The following EYA2 variants were observed in gnomAD, a reference collection of about 807,000 sequenced individuals.
EYA2 encodes the protein protein phosphatase EYA2.
Under a neutral mutation model 69.2 loss-of-function variants are expected in EYA2, and 31 were observed. The ratio of observed to expected loss-of-function variants is 0.45; its 90% confidence interval spans 0.34 to 0.60. The LOEUF (loss-of-function observed/expected upper bound fraction) is 0.60. Ranked by LOEUF, EYA2 falls within the 20% of genes least tolerant of loss-of-function variation. The probability of loss-of-function intolerance (pLI) is 0.02; values close to 1 mark genes in which losing one functional copy is unlikely to be tolerated. For missense variants in EYA2, 622 were observed against 701.2 expected, an observed-to-expected ratio of 0.89 and a Z score of 1.28; for synonymous variants, 257 against 279.4, an observed-to-expected ratio of 0.92 and a Z score of 0.80.
intron 7 of EYA2, 66 bp downstream of exon 7, chr20:47,074,401 C>A (rs1338695001): frequency 6.6e-7 from 1 of 1,513,612 alleles, no homozygotes. Context: ...AGGAGGGACC[C>A]GCACATGGGT....
chr20:47,181,969 T>G (rs6122559), intron 14 of EYA2, among the ~76,000 whole-genome samples: 62,677 of 151,904 alleles, frequency 0.41, 13,267 homozygotes, highest in Non-Finnish European at 0.46. Flanking sequence ...ATATTTTTAT[T>G]TTTAATTGTG....
Position 47,172,961 on chromosome 20 carries a change from G to A in EYA2, c.1198+94G>A, listed in dbSNP as rs528516809. 78 of 1,418,166 alleles carry A rather than the reference G, an allele frequency of 5.5e-5. No individual in the cohort carries two copies. The African/African-American group carries it at 1.1e-3, about 19-fold the overall frequency. 87.8% of individuals were successfully genotyped at this position (1,418,166 alleles called of 1,614,324 possible). A position where few individuals can be genotyped will look rare whatever the true frequency, so the allele number is the denominator to read the frequency against. On this transcript the variant is annotated intron_variant, in intron 12 of 15. Coordinates refer to ENST00000327619, the MANE Select transcript of EYA2 (RefSeq NM_005244.5). ...GCTGTGCCAGGCGCCAGGCAGAGAGGTTCACAAGTTCAGTACCAGCCCACT... is the reference window on the plus strand; with the variant it reads ...GCTGTGCCAGGCGCCAGGCAGAGAGATTCACAAGTTCAGTACCAGCCCACT...
Position 46,957,578 on chromosome 20 carries a change from C to CACACACAA in EYA2, c.-10-32423_-10-32422insACACACAA, listed in dbSNP as rs576647103. On this transcript the variant is annotated intron_variant, in intron 1 of 15. Coordinates refer to ENST00000327619, the MANE Select transcript of EYA2 (RefSeq NM_005244.5). ...ACACACACACACACACACACACACA[C>CACACACAA]GAAGACAATGTGAAGACAGGACAGA... Among the ~76,000 whole-genome samples, 341 of 66,648 alleles carry CACACACAA rather than the reference C, an allele frequency of 5.1e-3. 15 individuals carry two copies. Among genetic ancestry groups the CACACACAA allele is most frequent in the African/African-American group, 0.015 (303 of 20,894 alleles). 43.7% of individuals were successfully genotyped at this position (66,648 alleles called of 152,430 possible).
Position 47,074,395 on chromosome 20 carries a change from G to C in EYA2, c.661+60G>C, listed in dbSNP as rs906474355. On this transcript the variant is annotated intron_variant, in intron 7 of 15. Transcript: ENST00000327619. ...GTGGTCTGAGAGCTTCTATGAAGGA[G>C]GGACCCGCACATGGGTCCCAATTGT... 1.6e-5 allele frequency: 25 copies of C among 1,557,924 alleles called. No individual in the cohort carries two copies. The African/African-American group carries it at 3.4e-4, about 21-fold the overall frequency.
intron 5 of EYA2, among the ~76,000 whole-genome samples, chr20:47,070,730 A>G (rs1172309635): frequency 6.6e-6 from 1 of 152,228 alleles, no homozygotes; most frequent in Non-Finnish European, 1.5e-5. Flanking sequence ...GGTGATGAGT[A>G]CCCAATAATG....
At chr20:47,051,900 C>T (rs1234104144) in intron 5 of EYA2, among the ~76,000 whole-genome samples, 2 of 152,236 alleles carry the variant, frequency 1.3e-5, no homozygotes, top group South Asian at 4.1e-4. Flanking sequence ...CGGGGCTCAG[C>T]ATAGTGCCCG....
chr20:47,046,820 A>T (rs572652781), intron 5 of EYA2, among the ~76,000 whole-genome samples: 1 of 152,170 alleles, frequency 6.6e-6, no homozygotes, highest in South Asian at 2.1e-4. Flanking sequence ...TTGTGTATCT[A>T]TCTGGGAAGG....
intron 2 of EYA2, among the ~76,000 whole-genome samples, chr20:46,992,043 G>A (rs1981709396): frequency 6.9e-6 from 1 of 145,844 alleles, no homozygotes; most frequent in African/African-American, 2.5e-5. Flanking sequence ...GCCACCAGTA[G>A]GAGCTGAGAG....
chr20:47,101,926 C>T (rs1203580889), intron 9 of EYA2, among the ~76,000 whole-genome samples: 2 of 152,222 alleles, frequency 1.3e-5, no homozygotes, highest in East Asian at 1.9e-4. Flanking sequence ...TGTACTTCCC[C>T]AGCACTGCAG....
intron 5 of EYA2, among the ~76,000 whole-genome samples, chr20:47,059,056 G>A (rs1292764917): frequency 1.3e-5 from 2 of 152,206 alleles, no homozygotes; most frequent in Non-Finnish European, 2.9e-5. Flanking sequence ...TGCCTGTGGA[G>A]TGATGGGGAA....
chr20:46,911,429 C>T (rs748544514), intron 1 of EYA2, among the ~76,000 whole-genome samples: 9 of 152,178 alleles, frequency 5.9e-5, no homozygotes, highest in Non-Finnish European at 1.3e-4. Flanking sequence ...GCAGGCTCAG[C>T]ATTGGCAGTA....
Position 46,970,232 on chromosome 20 carries a change from T to C in EYA2, c.-10-19769T>C, listed in dbSNP as rs538936410. ...CAGAGCGAATGTGAATTCATCTTTT[T>C]CTCAAATAGCCACCATTTTGAAAAT... is the stretch of plus-strand genomic sequence containing the variant. On this transcript the variant is annotated intron_variant, in intron 1 of 15. Transcript: ENST00000327619. Among the ~76,000 whole-genome samples, 14 of 152,370 alleles carry C rather than the reference T, an allele frequency of 9.2e-5. No homozygotes were observed. The South Asian group carries it at 2.9e-3, about 32-fold the overall frequency.
intron 1 of EYA2, among the ~76,000 whole-genome samples, chr20:46,978,959 G>A (rs571955417): frequency 1.3e-5 from 2 of 152,358 alleles, no homozygotes; most frequent in East Asian, 3.9e-4. Context: ...TGAGGCTGGT[G>A]GAGGCTGTCA....
rs554187816 is a variant in EYA2, at chr20:47,090,530, A to G, written c.804+1149A>G. ...GCTGAGATTACAGGCGTGAGCCGCC[A>G]TGCCCGGACTTTTTTTTTTTTAATC... On this transcript the variant is annotated intron_variant, in intron 8 of 15. Transcript: ENST00000327619. Among the ~76,000 whole-genome samples the G allele has an allele frequency of 2.0e-5, 3 of 149,714 alleles. No individual in the cohort carries two copies. The South Asian group carries it at 6.3e-4, about 32-fold the overall frequency.
intron 7 of EYA2, among the ~76,000 whole-genome samples, chr20:47,075,018 G>A (rs1008909273): frequency 6.6e-6 from 1 of 152,230 alleles, no homozygotes; most frequent in Non-Finnish European, 1.5e-5. Context: ...GGCTGAGGTA[G>A]GAGAATCGCT....
At chr20:47,012,236 G>A (rs979534911) in intron 4 of EYA2, among the ~76,000 whole-genome samples, 11 of 152,200 alleles carry the variant, frequency 7.2e-5, no homozygotes, top group Non-Finnish European at 1.3e-4. Context: ...GATAGTTCAC[G>A]AGCACCTTTT....
At chr20:47,050,474 T>A (rs563089442) in intron 5 of EYA2, among the ~76,000 whole-genome samples, 4 of 152,224 alleles carry the variant, frequency 2.6e-5, no homozygotes, top group Non-Finnish European at 5.9e-5. Context: ...GCACCCACAT[T>A]CGGGGACTTT....
At chr20:47,107,753 G>A (rs1054887128) in intron 9 of EYA2, among the ~76,000 whole-genome samples, 1 of 144,220 alleles carries the variant, frequency 6.9e-6, no homozygotes, top group African/African-American at 2.5e-5. Context: ...AAGAGAGAAG[G>A]AAAAAGGAGA....
At chr20:46,938,374 A>G (rs573558804) in intron 1 of EYA2, among the ~76,000 whole-genome samples, 1 of 152,362 alleles carries the variant, frequency 6.6e-6, no homozygotes, top group African/African-American at 2.4e-5. Context: ...CTGCATAACA[A>G]GTTACCCCAA....
Sources: allele counts gnomAD v4.1 joint callset (sites outside exome capture counted in the v4.1 genomes callset), GRCh38; gene constraint gnomAD v4.1.1; transcripts MANE v1.5; gene names NCBI Gene and HGNC (gene_info 2026-07-23, HGNC 2026-07-21).